Variants in ADRA1A observed in about 807,000 individuals in gnomAD.
ADRA1A encodes the protein adrenoceptor alpha 1A.
ADRA1A carries 31 observed loss-of-function variants against 29.6 expected under a neutral mutation model. The ratio of observed to expected loss-of-function variants is 1.05; its 90% CI spans 0.79 to 1.41. ADRA1A has a LOEUF of 1.41. Ranked by LOEUF, ADRA1A falls within the 40% of genes most tolerant of loss-of-function variation. The pLI, the probability that ADRA1A is intolerant of heterozygous loss-of-function variation, is 0.00. For synonymous variants in ADRA1A, 311 were observed against 254.3 expected (o/e 1.22, Z -2.12); for missense variants, 619 against 601.1 (o/e 1.03, Z -0.31).
At chr8:26,838,451 G>C (rs920535661) in intron 2 of ADRA1A, among the ~76,000 whole-genome samples, 9 of 152,158 alleles carry the variant, frequency 5.9e-5, no homozygotes, top group African/African-American at 2.2e-4. Flanking sequence ...AATAATGCAG[G>C]ACTTGACTTT....
chr8:26,769,999 C>A lies in ADRA1A; in HGVS notation c.*150G>T, dbSNP rs1371207481. ...CCTCTTCCCTGTGCCCTACCCGCTG[C>A]CTGATGAGTTGGGTCTACCACCCAC... On this transcript the variant is annotated 3_prime_UTR_variant, in exon 3 of 3. Transcript: ENST00000380573. The A allele has an allele frequency of 2.8e-6, 4 of 1,444,590 alleles. No individual in the cohort carries two copies. The highest frequency in any genetic ancestry group is 3.6e-6 in the Non-Finnish European group (4 of 1,103,218). 89.5% of individuals were successfully genotyped at this position (1,444,590 alleles called of 1,614,324 possible).
intron 2 of ADRA1A, among the ~76,000 whole-genome samples, chr8:26,781,892 T>G (rs999380910): frequency 6.6e-6 from 1 of 152,224 alleles, no homozygotes; most frequent in African/African-American, 2.4e-5. Flanking sequence ...TAGGTCCTGA[T>G]CCTTGCCAGA....
intron 2 of ADRA1A, among the ~76,000 whole-genome samples, chr8:26,814,087 T>G (rs916621860): frequency 1.3e-5 from 2 of 152,176 alleles, no homozygotes; most frequent in African/African-American, 4.8e-5. Context: ...TCACATAAAA[T>G]TTGAGTCTGG....
intron 2 of ADRA1A, among the ~76,000 whole-genome samples, chr8:26,759,597 A>T (rs61759713): frequency 6.6e-6 from 1 of 152,112 alleles, no homozygotes; most frequent in African/African-American, 2.4e-5. Flanking sequence ...CACCTCTGTT[A>T]TGACTCCAGG....
chr8:26,813,612 C>T (rs12681695), intron 2 of ADRA1A, among the ~76,000 whole-genome samples: 10,034 of 152,076 alleles, frequency 0.066, 693 homozygotes, highest in East Asian at 0.32. Context: ...GACATCCATC[C>T]TATGCTTGAG....
In ADRA1A at chr8:26,865,448, C is replaced by G; in HGVS notation, c.-479G>C. On this transcript the variant is annotated 5_prime_UTR_variant, in exon 2 of 3. Coordinates refer to ENST00000380573, the MANE Select transcript of ADRA1A (RefSeq NM_000680.4). This position sits in a 1 kb window ranked among gnomAD's most constrained non-coding sequence, Gnocchi z 7.6. ...CTCTCCCTCAAACCAAAAGATCAGC[C>G]GTCGACGCTCAAAGGCAGGGACCGA... The G allele has an allele frequency of 5.0e-6, 5 of 1,002,124 alleles. No individual in the cohort carries two copies. Among genetic ancestry groups the G allele is most frequent in the South Asian group, 8.6e-5 (2 of 23,158 alleles). 62.1% of individuals were successfully genotyped at this position (1,002,124 alleles called of 1,614,324 possible).
chr8:26,825,128 A>G lies in ADRA1A; in HGVS notation c.883+38959T>C, dbSNP rs1407935903. On this transcript the variant is annotated intron_variant, in intron 2 of 2. Coordinates refer to ENST00000380573, the MANE Select transcript of ADRA1A (RefSeq NM_000680.4). The surrounding 1 kb of genome is among the most constrained non-coding windows in gnomAD (Gnocchi z 5.7). Reference sequence around the variant, plus strand: ...GCATAAAACAATGCCTGCATGCTCCAGAGAGACCCCCAGCCCCCACATGTC... The same window carrying G: ...GCATAAAACAATGCCTGCATGCTCCGGAGAGACCCCCAGCCCCCACATGTC... 6.6e-6 allele frequency among the ~76,000 whole-genome samples: 1 copy of G among 152,192 alleles called. No individual in the cohort carries two copies. The highest frequency in any genetic ancestry group is 2.4e-5 in the African/African-American group (1 of 41,446).
At chr8:26,765,895 G>T, downstream of ADRA1A, 3 of 1,423,984 alleles carry the variant, frequency 2.1e-6, no homozygotes, top group South Asian at 3.2e-5. Flanking sequence ...TTCCTAAAAT[G>T]TTCTCACTAC....
At chr8:26,846,969 AC>A (rs1812249872) in intron 2 of ADRA1A, among the ~76,000 whole-genome samples, 1 of 152,218 alleles carries the variant, frequency 6.6e-6, no homozygotes, top group South Asian at 2.1e-4. Context: ...TATCGCAAGA[AC>A]AAAAAACCAA....
intron 2 of ADRA1A, among the ~76,000 whole-genome samples, chr8:26,810,254 G>A (rs137965424): frequency 3.9e-5 from 6 of 152,316 alleles, no homozygotes; most frequent in African/African-American, 1.4e-4. Context: ...TCCACGTTGG[G>A]TTAATTTCAT....
intron 2 of ADRA1A, among the ~76,000 whole-genome samples, chr8:26,833,389 G>A (rs1282716947): frequency 6.6e-6 from 1 of 152,148 alleles, no homozygotes; most frequent in Non-Finnish European, 1.5e-5. Flanking sequence ...TCTCCCTTTT[G>A]CTTGTCAGGG....
intron 2 of ADRA1A, among the ~76,000 whole-genome samples, chr8:26,771,627 C>T (rs1038402543): frequency 2.0e-5 from 3 of 152,228 alleles, no homozygotes; most frequent in African/African-American, 7.2e-5. Flanking sequence ...ATTATCTCCT[C>T]CAATTACTCA....
intron 2 of ADRA1A, among the ~76,000 whole-genome samples, chr8:26,839,275 C>G (rs747002352): frequency 2.2e-4 from 34 of 151,666 alleles, no homozygotes; most frequent in Non-Finnish European, 4.0e-4. Flanking sequence ...TCTCCTGCCT[C>G]AGCCTCCTAA....
At chr8:26,824,318 G>C (rs56243603) in intron 2 of ADRA1A, among the ~76,000 whole-genome samples, 2 of 151,866 alleles carry the variant, frequency 1.3e-5, no homozygotes, top group African/African-American at 4.8e-5. Context: ...ATAAAGGATG[G>C]CAAAGCATAG....
intron 2 of ADRA1A, among the ~76,000 whole-genome samples, chr8:26,824,541 G>C (rs560640057): frequency 6.6e-6 from 1 of 152,266 alleles, no homozygotes; most frequent in South Asian, 2.1e-4. Context: ...AAATTGATGA[G>C]TTTGGGCTAG....
intron 2 of ADRA1A, among the ~76,000 whole-genome samples, chr8:26,779,812 G>A (rs1411684680): frequency 1.3e-5 from 2 of 152,292 alleles, no homozygotes; most frequent in East Asian, 3.9e-4. Flanking sequence ...GCACAGCACG[G>A]TTTGGGCTGC....
intron 2 of ADRA1A, among the ~76,000 whole-genome samples, chr8:26,816,186 G>A (rs1318689454): frequency 6.6e-6 from 1 of 152,126 alleles, no homozygotes. Flanking sequence ...ATTTCCTTTG[G>A]AACAAAAGCC....
intron 2 of ADRA1A, among the ~76,000 whole-genome samples, chr8:26,794,404 A>C (rs1036141188): frequency 4.6e-5 from 7 of 152,112 alleles, no homozygotes; most frequent in African/African-American, 1.7e-4. Flanking sequence ...ATTGTGGTTC[A>C]TGAATCTTGC....
intron 2 of ADRA1A, among the ~76,000 whole-genome samples, chr8:26,809,832 G>T (rs1450066534): frequency 2.6e-5 from 4 of 152,140 alleles, no homozygotes; most frequent in Non-Finnish European, 4.4e-5. Flanking sequence ...GAAGATAAAA[G>T]GGTTACAATC....
Sources: gnomAD v4.1 joint callset for allele counts (sites outside exome capture counted in the v4.1 genomes callset) on GRCh38, gnomAD v4.1.1 for gene constraint, Gnocchi (gnomAD v3.1) non-coding constraint, MANE v1.5 for transcripts, NCBI Gene and HGNC (gene_info 2026-07-23, HGNC 2026-07-21) for gene names.